The following ADGRB3 variants were observed in gnomAD, a reference collection of about 807,000 sequenced individuals.
ADGRB3 encodes the protein adhesion G protein-coupled receptor B3, also known as brain-specific angiogenesis inhibitor 3.
Under a neutral mutation model 193.4 loss-of-function variants are expected in ADGRB3, and 37 were observed. The observed-to-expected ratio is 0.19, with a 90% confidence interval of 0.15 to 0.25. The LOEUF (loss-of-function observed/expected upper bound fraction) is 0.25, where lower values mean the gene tolerates loss of function less well. ADGRB3 is among the 10% of genes least tolerant of loss of function. ADGRB3 has a pLI of 1.00. For synonymous variants in ADGRB3, 690 were observed against 644.2 expected, an observed-to-expected ratio of 1.07 and a Z score of -1.08; for missense variants, 1,637 against 1,852.9, an observed-to-expected ratio of 0.88 and a Z score of 2.14.
chr6:69,217,169 A>G (rs989071884), intron 17 of ADGRB3, among the ~76,000 whole-genome samples: 1 of 152,140 alleles, frequency 6.6e-6, no homozygotes, highest in Non-Finnish European at 1.5e-5. Flanking sequence ...TGTCTCACCC[A>G]AAAGAGTCGT....
chr6:69,085,390 A>C (rs1772517374), intron 17 of ADGRB3, among the ~76,000 whole-genome samples: 2 of 152,078 alleles, frequency 1.3e-5, no homozygotes, highest in African/African-American at 2.4e-5. Context: ...TTAATATATT[A>C]ATGGGTATAG....
At chr6:68,674,836 A>T (rs975896164) in intron 3 of ADGRB3, among the ~76,000 whole-genome samples, 5 of 152,230 alleles carry the variant, frequency 3.3e-5, no homozygotes, top group Admixed American at 3.3e-4. Context: ...GCAAAATTTA[A>T]TTCAAAATGT....
chr6:69,045,054 G>A (rs769202443), intron 13 of ADGRB3, among the ~76,000 whole-genome samples: 42 of 152,172 alleles, frequency 2.8e-4, no homozygotes, highest in Non-Finnish European at 4.3e-4. Context: ...AAGGCATTAC[G>A]TTTTTAAATC....
At chr6:68,659,384 G>A (rs1323323155) in intron 3 of ADGRB3, among the ~76,000 whole-genome samples, 2 of 150,342 alleles carry the variant, frequency 1.3e-5, no homozygotes, top group African/African-American at 4.9e-5. Context: ...TAAAAAAATA[G>A]GAAGGAGAAA....
chr6:68,782,975 G>C (rs1766887011), intron 3 of ADGRB3, among the ~76,000 whole-genome samples: 1 of 151,882 alleles, frequency 6.6e-6, no homozygotes, highest in African/African-American at 2.4e-5. Context: ...TGGAAAAATT[G>C]TCATTTTTAA....
intron 20 of ADGRB3, among the ~76,000 whole-genome samples, chr6:69,258,889 G>T (rs983519889): frequency 5.9e-5 from 9 of 152,092 alleles, no homozygotes; most frequent in African/African-American, 9.7e-5. Context: ...TAGACATCTC[G>T]TTAGTTAAGA....
At position 69,025,323 on chromosome 6, in the gene ADGRB3, G is replaced by A. The variant is rs139355065; in HGVS notation, c.2107+6824G>A. Among the ~76,000 whole-genome samples, 5 of 151,992 alleles carry A rather than the reference G, an allele frequency of 3.3e-5. No homozygotes were observed. The East Asian group carries it at 7.8e-4, about 24-fold the overall frequency. On this transcript the variant is annotated intron_variant, in intron 13 of 31. Coordinates refer to ENST00000370598, the MANE Select transcript of ADGRB3 (RefSeq NM_001704.3). ...GATAATTTCATTGGTAGAATATCTT[G>A]TTCTTTAATAGAGAAACCAACTTTC...
At chr6:68,791,523 A>T (rs1456732050) in intron 3 of ADGRB3, among the ~76,000 whole-genome samples, 3 of 152,116 alleles carry the variant, frequency 2.0e-5, no homozygotes, top group African/African-American at 4.8e-5. Flanking sequence ...GGAAAAAAAA[A>T]TTCGGTGCTG....
At chr6:69,323,190 AATAGAG>A (rs1768498808) in intron 20 of ADGRB3, among the ~76,000 whole-genome samples, 2 of 152,008 alleles carry the variant, frequency 1.3e-5, no homozygotes, top group South Asian at 4.1e-4. Flanking sequence ...ACAGTTTAAA[AATAGAG>A]ATGGACTAGC....
chr6:68,749,395 T>TAG (rs200182210), intron 3 of ADGRB3, among the ~76,000 whole-genome samples: 1 of 112,760 alleles, frequency 8.9e-6, no homozygotes, highest in East Asian at 2.5e-4. Context: ...AACTCCCCTT[T>TAG]ATATATATAT....
At chr6:68,698,721 C>T (rs1044425035) in intron 3 of ADGRB3, among the ~76,000 whole-genome samples, 2 of 151,848 alleles carry the variant, frequency 1.3e-5, no homozygotes, top group African/African-American at 4.8e-5. Context: ...TGAGAGGGTG[C>T]TAGGAAAGCA....
intron 13 of ADGRB3, among the ~76,000 whole-genome samples, chr6:69,019,299 A>T (rs2060961189): frequency 6.6e-6 from 1 of 151,992 alleles, no homozygotes; most frequent in South Asian, 2.1e-4. Flanking sequence ...AAACCACTGA[A>T]CCATAGATAG....
chr6:68,704,177 A>C (rs1476566230), intron 3 of ADGRB3, among the ~76,000 whole-genome samples: 1 of 152,222 alleles, frequency 6.6e-6, no homozygotes, highest in African/African-American at 2.4e-5. Flanking sequence ...TTATTATAAA[A>C]TATGAGAAAG....
intron 3 of ADGRB3, among the ~76,000 whole-genome samples, chr6:68,778,795 C>T (rs1389323797): frequency 6.6e-6 from 1 of 152,050 alleles, no homozygotes; most frequent in Non-Finnish European, 1.5e-5. Context: ...CATTCTGATG[C>T]AGGATTGCCA....
intron 3 of ADGRB3, among the ~76,000 whole-genome samples, chr6:68,881,264 T>A (rs1424898358): frequency 6.6e-6 from 1 of 152,036 alleles, no homozygotes; most frequent in Admixed American, 6.6e-5. Context: ...AAAATACAAA[T>A]CTTGCCTCCT....
chr6:69,172,053 T>C (rs978826579), intron 17 of ADGRB3, among the ~76,000 whole-genome samples: 2 of 152,108 alleles, frequency 1.3e-5, no homozygotes, highest in Non-Finnish European at 2.9e-5. Context: ...TGGTGCAACT[T>C]TGTAGTTGGA....
At chr6:68,790,057 A>AT (rs1431872914) in intron 3 of ADGRB3, among the ~76,000 whole-genome samples, 1 of 151,768 alleles carries the variant, frequency 6.6e-6, no homozygotes, top group Non-Finnish European at 1.5e-5. Context: ...TGGTCGTCTA[A>AT]TTTTTTTTCA....
intron 20 of ADGRB3, among the ~76,000 whole-genome samples, chr6:69,317,264 T>C (rs1469040315): frequency 6.6e-6 from 1 of 151,492 alleles, no homozygotes; most frequent in Non-Finnish European, 1.5e-5. Flanking sequence ...GAGAGTTTTT[T>C]CCCTTTGGGG....
chr6:69,137,069 TTTTTTTTA>T (rs1200513694), intron 17 of ADGRB3, among the ~76,000 whole-genome samples: 2 of 66,970 alleles, frequency 3.0e-5, no homozygotes, highest in African/African-American at 3.5e-5. Context: ...TTTTTTTTTT[TTTTTTTTA>T]ATGGTAAGAT....
Sources: allele counts gnomAD v4.1 joint callset (sites outside exome capture counted in the v4.1 genomes callset), GRCh38; gene constraint gnomAD v4.1.1; transcripts MANE v1.5; gene names NCBI Gene and HGNC (gene_info 2026-07-23, HGNC 2026-07-21).